TIMM23B: variants seen among roughly 807,000 people sequenced by gnomAD.
TIMM23B encodes the protein mitochondrial import inner membrane translocase subunit Tim23B.
TIMM23B carries 27 observed loss-of-function variants against 27.3 expected under a neutral mutation model. That is an observed-to-expected ratio of 0.99 (90% CI 0.73 to 1.36). The LOEUF (loss-of-function observed/expected upper bound fraction) is 1.36, where lower values mean the gene tolerates loss of function less well. Among genes scored for constraint, TIMM23B ranks in the 40% most tolerant of loss-of-function variants. The probability of loss-of-function intolerance (pLI) is 0.00; values close to 1 mark genes in which losing one functional copy is unlikely to be tolerated. For missense variants in TIMM23B, 205 were observed against 244.2 expected (o/e 0.84, Z 1.07); for synonymous variants, 73 against 92.4 (o/e 0.79, Z 1.21).
intron 6 of TIMM23B, among the ~76,000 whole-genome samples, chr10:49,965,482 A>C (rs1297524604): frequency 1.4e-5 from 2 of 140,962 alleles, no homozygotes; most frequent in Non-Finnish European, 3.3e-5. Flanking sequence ...GGTGCACTCC[A>C]GACTGGGCGA....
chr10:49,944,927 G>C, intron 1 of TIMM23B, 105 bp from the exon 2 acceptor site: 1 of 1,440,408 alleles, frequency 6.9e-7, no homozygotes, highest in Non-Finnish European at 9.7e-7. Flanking sequence ...CCTTCAGTGA[G>C]CCTATAAAAA....
At chr10:49,942,709 A>T (rs1425815503) in intron 1 of TIMM23B, among the ~76,000 whole-genome samples, 3 of 152,214 alleles carry the variant, frequency 2.0e-5, no homozygotes, top group Non-Finnish European at 4.4e-5. Flanking sequence ...AAGTAGCCGT[A>T]AGGGCAGAAT....
chr10:49,945,792 T>A (rs2133048969), intron 2 of TIMM23B, among the ~76,000 whole-genome samples: 1 of 152,312 alleles, frequency 6.6e-6, no homozygotes, highest in South Asian at 2.1e-4. Flanking sequence ...TATCAATTTA[T>A]AATAAAGCAA....
At chr10:49,958,851 T>A (rs2133079526) in intron 6 of TIMM23B, among the ~76,000 whole-genome samples, 1 of 152,356 alleles carries the variant, frequency 6.6e-6, no homozygotes, top group African/African-American at 2.4e-5. Context: ...AGTAGAATCA[T>A]ACAATATTTG....
At chr10:49,966,905 A>G (rs774353138) in intron 6 of TIMM23B, among the ~76,000 whole-genome samples, 22 of 151,992 alleles carry the variant, frequency 1.4e-4, no homozygotes, top group Admixed American at 1.4e-3. Flanking sequence ...TGATCTTTCT[A>G]TTAAAATAGC....
chr10:49,948,892 C>T lies in TIMM23B; in HGVS notation c.166-3234C>T, dbSNP rs1839434667. Among the ~76,000 whole-genome samples, 4 of 152,004 alleles carry T rather than the reference C, an allele frequency of 2.6e-5. No individual in the cohort carries two copies. The South Asian group carries it at 6.2e-4, about 24-fold the overall frequency. On this transcript the variant is annotated intron_variant, in intron 2 of 6. Transcript: ENST00000651259. ...ATCAGTAACTCCATTTTCTCTCTCTCTTTTTTTTCTAAGAGACAAAGTCTC... is the reference window on the plus strand; with the variant it reads ...ATCAGTAACTCCATTTTCTCTCTCTTTTTTTTTTCTAAGAGACAAAGTCTC...
intron 5 of TIMM23B, among the ~76,000 whole-genome samples, chr10:49,957,395 A>G (rs1839760481): frequency 6.6e-6 from 1 of 151,806 alleles, no homozygotes; most frequent in Admixed American, 6.6e-5. Flanking sequence ...TATAGGCAAC[A>G]TGCACCACCA....
At chr10:49,972,586 A>T (rs1554856791) in intron 6 of TIMM23B, among the ~76,000 whole-genome samples, 1 of 151,432 alleles carries the variant, frequency 6.6e-6, no homozygotes, top group African/African-American at 2.4e-5. Flanking sequence ...TCAAAAGCAG[A>T]AGTAGTTACT....
rs2132078625 is a variant in TIMM23B at position 49,973,816 on chromosome 10, T to TG, written c.*752_*753insG. On this transcript the variant is annotated 3_prime_UTR_variant, in exon 7 of 7. Transcript: ENST00000651259. ...ATGAAGGTAATTTTTTTTTTTTCTT[T>TG]TTTTTTGAGATGGAGTCTTGCTCTG... The TG allele has an allele frequency of 6.6e-6, 1 of 151,574 alleles. No individual in the cohort carries two copies. Among genetic ancestry groups the TG allele is most frequent in the East Asian group, 1.9e-4 (1 of 5,190 alleles). 9.4% of individuals were successfully genotyped at this position (151,574 alleles called of 1,614,324 possible). A position where few individuals can be genotyped will look rare whatever the true frequency, so the allele number is the denominator to read the frequency against.
intron 5 of TIMM23B, among the ~76,000 whole-genome samples, chr10:49,956,425 ACGTG>A (rs1839724643): frequency 1.0e-5 from 1 of 100,326 alleles, no homozygotes; most frequent in African/African-American, 4.3e-5. Flanking sequence ...TACTAGAAAT[ACGTG>A]TGTGTGTGTG....
chr10:49,967,950 A>G (rs1439773330), intron 6 of TIMM23B, among the ~76,000 whole-genome samples: 1 of 151,372 alleles, frequency 6.6e-6, no homozygotes, highest in Non-Finnish European at 1.5e-5. Flanking sequence ...AGTGTACCTC[A>G]TTTATTCAGA....
In TIMM23B at chr10:49,954,676, C is replaced by T. The variant is rs1373906906; in HGVS notation, c.345-326C>T. Among the ~76,000 whole-genome samples the T allele has an allele frequency of 2.7e-5, 4 of 150,616 alleles. 1 individual carries two copies. In the East Asian group the frequency reaches 7.8e-4, roughly 29 times the overall value. ...ATACATTCCAGGCTGTCATTCAAAG[C>T]CTTATATATATTTAATGTGTATTCA... On this transcript the variant is annotated intron_variant, in intron 4 of 6. Transcript: ENST00000651259.
chr10:49,968,662 G>A (rs1396477427), intron 6 of TIMM23B, among the ~76,000 whole-genome samples: 5 of 152,210 alleles, frequency 3.3e-5, no homozygotes, highest in Non-Finnish European at 4.4e-5. Context: ...GTGAAACCCC[G>A]TCTCTACTGA....
At chr10:49,965,688 GAGAAATGAAATGA>G (rs1269377977) in intron 6 of TIMM23B, among the ~76,000 whole-genome samples, 22 of 146,156 alleles carry the variant, frequency 1.5e-4, no homozygotes, top group African/African-American at 5.3e-4. Context: ...GAAATGAAGT[GAGAAATGAAATGA>G]TGAAATGAAA....
chr10:49,943,018 G>A (rs1264314130), intron 1 of TIMM23B, among the ~76,000 whole-genome samples: 1 of 152,034 alleles, frequency 6.6e-6, no homozygotes, highest in East Asian at 1.9e-4. Context: ...AGTTGGTCGT[G>A]GATAAAGCCT....
intron 6 of TIMM23B, among the ~76,000 whole-genome samples, chr10:49,970,670 G>C (rs1195798047): frequency 6.7e-6 from 1 of 149,428 alleles, no homozygotes; most frequent in East Asian, 2.0e-4. Flanking sequence ...GAGGTGGGGG[G>C]CAGCCCCTGC....
intron 2 of TIMM23B, among the ~76,000 whole-genome samples, chr10:49,950,517 C>G (rs1839492208): frequency 6.8e-6 from 1 of 147,160 alleles, no homozygotes; most frequent in Admixed American, 6.8e-5. Context: ...TTCATCACAG[C>G]CTTTTTTTTT....
chr10:49,943,917 G>A (rs1322975031), intron 1 of TIMM23B, among the ~76,000 whole-genome samples: 4 of 152,126 alleles, frequency 2.6e-5, no homozygotes, highest in Admixed American at 2.0e-4. Flanking sequence ...GAGCGGATTA[G>A]GGAAAACATC....
intron 2 of TIMM23B, 37 bp downstream of exon 2, chr10:49,945,127 T>C: frequency 1.2e-6 from 2 of 1,609,624 alleles, no homozygotes; most frequent in South Asian, 1.1e-5. Context: ...TGCATTATTT[T>C]ACCATTTTTA....
Sources: gnomAD v4.1 joint callset for allele counts (sites outside exome capture counted in the v4.1 genomes callset) on GRCh38, gnomAD v4.1.1 for gene constraint, MANE v1.5 for transcripts, NCBI Gene and HGNC (gene_info 2026-07-23, HGNC 2026-07-21) for gene names.